The following DNAAF8 variants were observed in gnomAD, a reference collection of about 807,000 sequenced individuals.
The protein encoded by DNAAF8 is dynein axonemal assembly factor 8.
A neutral mutation model predicts 54.6 loss-of-function variants in DNAAF8; 61 were observed. The observed-to-expected ratio is 1.12, with a 90% confidence interval of 0.91 to 1.38. DNAAF8 has a LOEUF of 1.38. DNAAF8 is among the 40% of genes most tolerant of loss of function. DNAAF8 has a pLI of 0.00. For synonymous variants in DNAAF8, 320 were observed against 270.1 expected (o/e 1.18, Z -1.81); for missense variants, 837 against 665.0 (o/e 1.26, Z -2.85).
chr16:4,744,191 A>C (rs1009534015), intron 5 of DNAAF8, among the ~76,000 whole-genome samples: 1 of 152,106 alleles, frequency 6.6e-6, no homozygotes, highest in African/African-American at 2.4e-5. Context: ...TCAGCCTCCC[A>C]AAGTGCTGGG....
intron 7 of DNAAF8, 47 bp downstream of exon 7, chr16:4,746,559 T>G: frequency 6.3e-7 from 1 of 1,581,954 alleles, no homozygotes; most frequent in African/African-American, 1.4e-5. Flanking sequence ...CTTTGCAGAG[T>G]TGCCTGTTGA....
Position 4,737,850 on chromosome 16 carries a change from CCT to C in DNAAF8, c.181_182del (p.Leu61AspfsTer10), listed in dbSNP as rs1407378181. On this transcript the variant is annotated frameshift_variant, in exon 3 of 10. Coordinates refer to ENST00000299320, the MANE Select transcript of DNAAF8 (RefSeq NM_139170.3). LOFTEE classifies it high-confidence loss of function. Reference protein sequence around the residue: ...LFIFQRNQTSLIPDLSEELAE... With the variant: ...LFIFQRNQTSXIPDLSEELAE... ...TCATCTTCCAGCGAAACCAAACCTC[CCT>C]GATTCCAGACCTGTCGGAGGAGCTG... 9.9e-6 allele frequency: 16 copies of C among 1,614,032 alleles called. No homozygotes were observed. The highest frequency in any genetic ancestry group is 1.3e-5 in the Non-Finnish European group (15 of 1,179,988).
rs572256864 is a variant in DNAAF8 at position 4,737,788 on chromosome 16, A to T, written c.130-12A>T. ...TGCCTTGTCCTCCAAAAGCCCTCTC[A>T]TTTGTCCACAGTCGGACTATGGGGA... On this transcript the variant is annotated splice_polypyrimidine_tract_variant and intron_variant, in intron 2 of 9. Transcript: ENST00000299320. 1.2e-6 allele frequency: 2 copies of T among 1,614,000 alleles called. No homozygotes were observed. Among genetic ancestry groups the T allele is most frequent in the East Asian group, 2.2e-5 (1 of 44,872 alleles).
At position 4,738,063 on chromosome 16, in the gene DNAAF8, T is replaced by C. The variant is rs2081918174; in HGVS notation, c.276+117T>C. 1.2e-5 allele frequency: 16 copies of C among 1,289,104 alleles called. No individual in the cohort carries two copies. The East Asian group carries it at 1.3e-4, about 10-fold the overall frequency. 79.9% of individuals were successfully genotyped at this position (1,289,104 alleles called of 1,614,324 possible). A position where few individuals can be genotyped will look rare whatever the true frequency, so the allele number is the denominator to read the frequency against. ...ATGCTAGAACATGGTCCTTTTTTTT[T>C]TCCCCCATGTACAACCCAAGGTATT... On this transcript the variant is annotated intron_variant, in intron 3 of 9. Transcript: ENST00000299320.
At position 4,746,986 on chromosome 16, in the gene DNAAF8, G is replaced by C; in HGVS notation, c.1241G>C (p.Gly414Ala). 1 of 1,546,952 alleles carries C rather than the reference G, an allele frequency of 6.5e-7. No homozygotes were observed. Among genetic ancestry groups the C allele is most frequent in the Non-Finnish European group, 8.7e-7 (1 of 1,151,068 alleles). Residue 414 changes from glycine (G) to alanine (A), a missense_variant, in exon 8 of 10, where the codon GGA becomes GCA. Gly to Ala is a moderately conservative substitution (Grantham distance 60). Transcript: ENST00000299320. ...EEEEEEMAAL[G>A]DAEGASPSSL... Reference sequence around the variant, plus strand: ...GAGGAGGAAGAGATGGCAGCTCTGGGAGACGCAGAGGGGGCATCTCCTTCC... The same window carrying C: ...GAGGAGGAAGAGATGGCAGCTCTGGCAGACGCAGAGGGGGCATCTCCTTCC...
At position 4,736,613 on chromosome 16, in the gene DNAAF8, G is replaced by A. The variant is rs1374668433; in HGVS notation, c.99G>A (p.Gln33=). Reference sequence around the variant, plus strand: ...CCATCCTCAAGGCTGTCAAAGACCAGCTCCCGTCTCTGGACTCAGACTCCC... The same window carrying A: ...CCATCCTCAAGGCTGTCAAAGACCAACTCCCGTCTCTGGACTCAGACTCCC... ...WDAILKAVKD[Q]LPSLDSDSPL... The change falls in exon 2 of 10, where the codon CAG becomes CAA. Residue 33 remains glutamine (Q), a synonymous_variant. Transcript: ENST00000299320. 5 of 1,585,418 alleles carry A rather than the reference G, an allele frequency of 3.2e-6. No individual in the cohort carries two copies. The South Asian group carries it at 3.4e-5, about 11-fold the overall frequency.
chr16:4,738,550 G>A (rs895246784), intron 3 of DNAAF8, among the ~76,000 whole-genome samples: 1 of 152,214 alleles, frequency 6.6e-6, no homozygotes, highest in Non-Finnish European at 1.5e-5. Flanking sequence ...AGGTTCCCAT[G>A]AGGCCAGGAG....
intron 4 of DNAAF8, among the ~76,000 whole-genome samples, 170 bp from the exon 5 acceptor site, chr16:4,742,873 A>G (rs1314959867): frequency 6.6e-6 from 1 of 152,118 alleles, no homozygotes; most frequent in African/African-American, 2.4e-5. Context: ...TTCAATCTGT[A>G]ATGGAAAGGC....
At chr16:4,739,265 G>GTTTTTTTTTTTTGT (rs2081931962) in intron 3 of DNAAF8, among the ~76,000 whole-genome samples, 1 of 69,030 alleles carries the variant, frequency 1.4e-5, no homozygotes, top group Non-Finnish European at 2.6e-5. Context: ...ATTTTTTCTT[G>GTTTTTTTTTTTTGT]TTTTTTTTTT....
At chr16:4,741,598 G>T (rs139734497) in intron 4 of DNAAF8, among the ~76,000 whole-genome samples, 1 of 152,098 alleles carries the variant, frequency 6.6e-6, no homozygotes, top group Non-Finnish European at 1.5e-5. Context: ...TCAGGAGTTC[G>T]AGAGCAGCCT....
chr16:4,736,249 C>T (rs2081898240), intron 1 of DNAAF8, among the ~76,000 whole-genome samples: 1 of 151,026 alleles, frequency 6.6e-6, no homozygotes, highest in Admixed American at 6.6e-5. Context: ...ACATTATATA[C>T]CTGCAGGCTC....
At position 4,747,527 on chromosome 16, in the gene DNAAF8, C is replaced by A; in HGVS notation, c.1465C>A (p.Gln489Lys). Reference sequence around the variant, plus strand: ...GCTCTGTGCCAAGGGGCAGAGCGCCCAGGCTCGACTCCCAAGAGGCAGGCC... The same window carrying A: ...GCTCTGTGCCAAGGGGCAGAGCGCCAAGGCTCGACTCCCAAGAGGCAGGCC... ...MKLCAKGQSA[Q>K]ARLPRGRPRA... Residue 489 changes from glutamine (Q) to lysine (K), a missense_variant, in exon 9 of 10, where the codon CAG (glutamine) becomes AAG (lysine). Gln to Lys is a moderately conservative substitution (Grantham distance 53). Coordinates refer to ENST00000299320, the MANE Select transcript of DNAAF8 (RefSeq NM_139170.3). The A allele has an allele frequency of 6.2e-7, 1 of 1,613,118 alleles. No individual in the cohort carries two copies. The highest frequency in any genetic ancestry group is 1.1e-5 in the South Asian group (1 of 91,072).
chr16:4,747,770 C>G, intron 9 of DNAAF8, 136 bp downstream of exon 9: 1 of 1,069,320 alleles, frequency 9.4e-7, no homozygotes, highest in African/African-American at 1.7e-5. Flanking sequence ...TGGACTGTTG[C>G]CCACCCTGTT....
chr16:4,744,789 A>G (rs891008475), intron 5 of DNAAF8, 81 bp from the exon 6 acceptor site: 1 of 1,496,494 alleles, frequency 6.7e-7, no homozygotes, highest in Admixed American at 1.7e-5. Context: ...TGGAGACCCC[A>G]GGGGTCCTGA....
chr16:4,735,581 C>T (rs1567490222), intron 1 of DNAAF8, among the ~76,000 whole-genome samples: 1 of 151,842 alleles, frequency 6.6e-6, no homozygotes, highest in African/African-American at 2.4e-5. Context: ...AATAACAGGA[C>T]CATCTCCTTT....
At chr16:4,746,830 T>C (rs988952380) in intron 7 of DNAAF8, 97 bp from the exon 8 acceptor site, 35 of 1,166,604 alleles carry the variant, frequency 3.0e-5, no homozygotes, top group African/African-American at 6.3e-5. Context: ...ACCTCTTGCA[T>C]TGGGTCACCA....
chr16:4,746,099 G>A (rs1041480369), intron 6 of DNAAF8: 4 of 363,320 alleles, frequency 1.1e-5, no homozygotes, highest in African/African-American at 8.3e-5. Context: ...GATTTAAACT[G>A]GCTTAAATGT....
chr16:4,743,012 T>G, intron 4 of DNAAF8, 31 bp from the exon 5 acceptor site: 1 of 1,540,700 alleles, frequency 6.5e-7, no homozygotes, highest in Non-Finnish European at 9.0e-7. Flanking sequence ...CCCCTCAGCA[T>G]CCTCATAATC....
At chr16:4,740,934 C>T (rs192137631) in intron 4 of DNAAF8, among the ~76,000 whole-genome samples, 10 of 151,970 alleles carry the variant, frequency 6.6e-5, no homozygotes, top group Non-Finnish European at 5.9e-5. Flanking sequence ...CCTGTAATCC[C>T]AGCACTTTGG....
Sources: gnomAD v4.1 joint callset for allele counts (sites outside exome capture counted in the v4.1 genomes callset) on GRCh38, gnomAD v4.1.1 for gene constraint, MANE v1.5 for transcripts, NCBI Gene and HGNC (gene_info 2026-07-23, HGNC 2026-07-21) for gene names.